Variants in GRAMD1C observed in about 807,000 individuals in gnomAD.
GRAMD1C encodes GRAM domain containing 1C.
A neutral mutation model predicts 97.8 loss-of-function variants in GRAMD1C; 89 were observed. That is an observed-to-expected ratio of 0.91 (90% CI 0.77 to 1.09). The LOEUF is 1.09. GRAMD1C is among the 50% of genes least tolerant of loss of function. The pLI, the probability that GRAMD1C is intolerant of heterozygous loss-of-function variation, is 0.00. For synonymous variants in GRAMD1C, 256 were observed against 267.0 expected (o/e 0.96, Z 0.40); for missense variants, 740 against 766.4 (o/e 0.97, Z 0.41).
chr3:113,885,667 G>C lies in GRAMD1C; in HGVS notation c.540+2835G>C. 3 of 1,514,822 alleles carry C rather than the reference G, an allele frequency of 2.0e-6. No homozygotes were observed. In the South Asian group the frequency reaches 3.4e-5, roughly 17 times the overall value. The allele number at this position is 1,514,822 out of a possible 1,614,324, so 93.8% of individuals were successfully genotyped here. ...TTCTTCCTGGAAGTGGTGAGCCAGT[G>C]GTACGAGCTGGTGGTGTTTACAGAA... On this transcript the variant is annotated intron_variant, in intron 6 of 17. Transcript: ENST00000358160.
chr3:113,838,836 C>G lies in GRAMD1C; in HGVS notation c.-74C>G. On this transcript the variant is annotated 5_prime_UTR_variant, in exon 1 of 18. Coordinates refer to ENST00000358160, the MANE Select transcript of GRAMD1C (RefSeq NM_017577.5). The stretch of plus-strand genomic sequence containing the variant: ...CGCGCGGAGCCTGTAACTCGCAGCG[C>G]GCGCTGGAGGTGGGCGCGGGGCGGT... The G allele has an allele frequency of 9.0e-7, 1 of 1,115,858 alleles. No homozygotes were observed. The highest frequency in any genetic ancestry group is 1.1e-6 in the Non-Finnish European group (1 of 884,302). The allele number at this position is 1,115,858 out of a possible 1,614,324, so 69.1% of individuals were successfully genotyped here. A position where few individuals can be genotyped will look rare whatever the true frequency, so the allele number is the denominator to read the frequency against.
At chr3:113,878,478 AGG>A (rs1935133751) in intron 5 of GRAMD1C, among the ~76,000 whole-genome samples, 1 of 152,138 alleles carries the variant, frequency 6.6e-6, no homozygotes, top group Non-Finnish European at 1.5e-5. Flanking sequence ...AAACCCTTTA[AGG>A]GGGTATAATA....
chr3:113,890,556 G>A (rs9862440), intron 6 of GRAMD1C: 108,935 of 523,728 alleles, frequency 0.21, 11,787 homozygotes, highest in Middle Eastern at 0.26. Flanking sequence ...ACCGTGGGGT[G>A]CTCTATTCTA....
intron 10 of GRAMD1C, among the ~76,000 whole-genome samples, chr3:113,925,373 C>T (rs1468742143): frequency 6.6e-6 from 1 of 152,170 alleles, no homozygotes; most frequent in Non-Finnish European, 1.5e-5. Context: ...CCTGTAGTCT[C>T]AGCTACTCGG....
chr3:113,898,464 GA>G (rs986494255), intron 6 of GRAMD1C, among the ~76,000 whole-genome samples: 16 of 151,948 alleles, frequency 1.1e-4, no homozygotes, highest in Admixed American at 3.3e-4. Context: ...TTATTATTGT[GA>G]AAAAAAGTTC....
chr3:113,941,216 T>C (rs2107384735), intron 17 of GRAMD1C, among the ~76,000 whole-genome samples: 1 of 152,368 alleles, frequency 6.6e-6, no homozygotes, highest in Middle Eastern at 3.4e-3. Context: ...TGCTTATAAA[T>C]GGTTTGATGA....
At chr3:113,842,599 G>C (rs966999858) in intron 1 of GRAMD1C, among the ~76,000 whole-genome samples, 19 of 152,150 alleles carry the variant, frequency 1.2e-4, no homozygotes, top group Admixed American at 2.0e-4. Context: ...TCTTTCTCTA[G>C]AGAGCCTCAA....
intron 5 of GRAMD1C, among the ~76,000 whole-genome samples, chr3:113,881,189 CTG>C (rs1011672772): frequency 1.6e-4 from 24 of 152,288 alleles, no homozygotes; most frequent in African/African-American, 5.1e-4. Context: ...GAGTCTCACT[CTG>C]TCGCCCAGGC....
At chr3:113,895,178 G>A (rs1935890280) in intron 6 of GRAMD1C, among the ~76,000 whole-genome samples, 1 of 152,112 alleles carries the variant, frequency 6.6e-6, no homozygotes, top group South Asian at 2.1e-4. Context: ...CCTTAAAGCT[G>A]TCTACTTTTG....
At chr3:113,832,039 G>GTTTTTTT (rs113465428) in intron 1 of GRAMD1C, among the ~76,000 whole-genome samples, 5 of 149,524 alleles carry the variant, frequency 3.3e-5, no homozygotes, top group African/African-American at 1.3e-4. Context: ...CAGCAACTTT[G>GTTTTTTT]TTTTTTTTGA....
intron 6 of GRAMD1C, among the ~76,000 whole-genome samples, chr3:113,893,491 G>C (rs1279737205): frequency 6.6e-6 from 1 of 151,504 alleles, no homozygotes; most frequent in Non-Finnish European, 1.5e-5. Context: ...CTTTCTTTTA[G>C]TTTTCTATAA....
chr3:113,885,978 G>A (rs1279812614), intron 6 of GRAMD1C: 15 of 1,553,254 alleles, frequency 9.7e-6, no homozygotes, highest in African/African-American at 2.8e-5. Context: ...CAGGTTCACC[G>A]CTGACGTTCA....
At chr3:113,851,314 A>G (rs1359654805) in intron 2 of GRAMD1C, among the ~76,000 whole-genome samples, 1 of 152,166 alleles carries the variant, frequency 6.6e-6, no homozygotes, top group African/African-American at 2.4e-5. Flanking sequence ...AGGAAGGGAA[A>G]TAGAAAAAAA....
At chr3:113,858,223 A>G (rs1351436851) in intron 2 of GRAMD1C, among the ~76,000 whole-genome samples, 1 of 151,202 alleles carries the variant, frequency 6.6e-6, no homozygotes. Flanking sequence ...TCATATTTAC[A>G]TGTGTAGAGT....
At chr3:113,890,486 T>G (rs1270745872) in intron 6 of GRAMD1C, 3 of 476,700 alleles carry the variant, frequency 6.3e-6, no homozygotes, top group Non-Finnish European at 1.1e-5. Flanking sequence ...CAGGTTGCAC[T>G]TTGGCAAGGA....
intron 11 of GRAMD1C, among the ~76,000 whole-genome samples, chr3:113,932,943 G>T (rs1250820897): frequency 6.6e-6 from 1 of 150,492 alleles, no homozygotes; most frequent in Non-Finnish European, 1.5e-5. Flanking sequence ...AGCGCAGTGA[G>T]GCGATCTTGC....
chr3:113,885,360 G>C, intron 6 of GRAMD1C: 2 of 1,594,364 alleles, frequency 1.3e-6, no homozygotes, highest in Non-Finnish European at 1.7e-6. Flanking sequence ...CCAAGCTCTG[G>C]AGCTTCTTCA....
intron 6 of GRAMD1C, among the ~76,000 whole-genome samples, chr3:113,895,532 T>C (rs1935902874): frequency 1.3e-5 from 2 of 152,198 alleles, no homozygotes; most frequent in Non-Finnish European, 1.5e-5. Flanking sequence ...TCTTTTATTT[T>C]GGAGTTACTG....
At chr3:113,882,595 A>G (rs1935308608) in intron 5 of GRAMD1C, among the ~76,000 whole-genome samples, 157 bp from the exon 6 acceptor site, 1 of 152,204 alleles carries the variant, frequency 6.6e-6, no homozygotes, top group African/African-American at 2.4e-5. Flanking sequence ...TGTTTCTTCT[A>G]TTATAACAAA....
Sources: allele counts gnomAD v4.1 joint callset (sites outside exome capture counted in the v4.1 genomes callset), GRCh38; gene constraint gnomAD v4.1.1; transcripts MANE v1.5; gene names NCBI Gene and HGNC (gene_info 2026-07-23, HGNC 2026-07-21).